Variants in SDC2 observed in about 807,000 individuals in gnomAD.
The protein encoded by SDC2 is syndecan 2, also known as syndecan-2.
Under a neutral mutation model 22.2 loss-of-function variants are expected in SDC2, and 13 were observed. That is an observed-to-expected ratio of 0.59 (90% CI 0.38 to 0.93). SDC2 has a LOEUF of 0.93. Among genes scored for constraint, SDC2 ranks in the 40% least tolerant of loss-of-function variants. SDC2 has a pLI of 0.00. For synonymous variants in SDC2, 94 were observed against 92.8 expected (o/e 1.01, Z -0.07); for missense variants, 235 against 246.8 (o/e 0.95, Z 0.32).
chr8:96,577,773 C>T (rs774334575), intron 1 of SDC2, among the ~76,000 whole-genome samples: 6 of 152,172 alleles, frequency 3.9e-5, no homozygotes, highest in African/African-American at 9.7e-5. Flanking sequence ...GGCAACTGCT[C>T]ATCTTTGTAT....
chr8:96,588,048 C>CT (rs1017616595), intron 1 of SDC2, among the ~76,000 whole-genome samples: 5 of 152,142 alleles, frequency 3.3e-5, no homozygotes, highest in African/African-American at 1.2e-4. Flanking sequence ...TAATAAACAC[C>CT]TAACAGCCAC....
intron 1 of SDC2, among the ~76,000 whole-genome samples, chr8:96,510,036 C>T (rs1419676594): frequency 6.6e-6 from 1 of 152,162 alleles, no homozygotes; most frequent in East Asian, 1.9e-4. Flanking sequence ...TAAAAAAATG[C>T]ACACATTGCC....
At chr8:96,538,169 T>A (rs1320366156) in intron 1 of SDC2, among the ~76,000 whole-genome samples, 2 of 151,966 alleles carry the variant, frequency 1.3e-5, no homozygotes, top group Non-Finnish European at 2.9e-5. Flanking sequence ...ACCATGTTGG[T>A]CAGGCTGGTC....
chr8:96,555,722 G>T lies in SDC2; in HGVS notation c.61-37758G>T, dbSNP rs1186475800. Among the ~76,000 whole-genome samples the T allele has an allele frequency of 3.3e-5, 5 of 152,138 alleles. No individual in the cohort carries two copies. The South Asian group carries it at 6.2e-4, about 19-fold the overall frequency. ...ATGGGGCCACTTCTCAGTTACTCCA[G>T]ATAAAACTTACTCTTCAAATATGAC... is the stretch of plus-strand genomic sequence containing the variant. On this transcript the variant is annotated intron_variant, in intron 1 of 4. Transcript: ENST00000302190.
rs1276553355 is a variant in SDC2, at chr8:96,600,064, T to A, written c.173-2331T>A. ...GTTCCAGCTACTCAGGAGGCTGAGG[T>A]GAGAGGATTGCTTGAGCCCGCAAGT... On this transcript the variant is annotated intron_variant, in intron 2 of 4. Transcript: ENST00000302190. 2.0e-5 allele frequency among the ~76,000 whole-genome samples: 3 copies of A among 151,622 alleles called. No homozygotes were observed. In the East Asian group the frequency reaches 5.8e-4, roughly 29 times the overall value.
intron 1 of SDC2, among the ~76,000 whole-genome samples, chr8:96,570,448 A>AT (rs1814374489): frequency 6.6e-6 from 1 of 152,162 alleles, no homozygotes. Flanking sequence ...AAAACAAAAA[A>AT]CCCAAAGACA....
intron 1 of SDC2, among the ~76,000 whole-genome samples, chr8:96,507,009 AG>A (rs1813251403): frequency 1.6e-5 from 2 of 125,220 alleles, no homozygotes; most frequent in Non-Finnish European, 3.3e-5. Flanking sequence ...ACTCTGTCTC[AG>A]GAAAAAAAAA....
chr8:96,516,561 C>G (rs1422922084), intron 1 of SDC2, among the ~76,000 whole-genome samples: 2 of 152,012 alleles, frequency 1.3e-5, no homozygotes, highest in Non-Finnish European at 2.9e-5. Flanking sequence ...AAAAAAAAAC[C>G]TGTACCCATT....
intron 1 of SDC2, among the ~76,000 whole-genome samples, chr8:96,532,260 C>CTT (rs1039963258): frequency 2.0e-5 from 3 of 152,000 alleles, no homozygotes; most frequent in Admixed American, 2.0e-4. Flanking sequence ...GAACAGGGAG[C>CTT]AGTAAGGGGG....
intron 1 of SDC2, among the ~76,000 whole-genome samples, chr8:96,505,342 C>G (rs893810043): frequency 6.6e-6 from 1 of 152,106 alleles, no homozygotes; most frequent in African/African-American, 2.4e-5. Flanking sequence ...CTCGCTCTGT[C>G]GCCCAGGCTG....
chr8:96,562,966 C>T (rs1202290343), intron 1 of SDC2, among the ~76,000 whole-genome samples: 1 of 152,064 alleles, frequency 6.6e-6, no homozygotes, highest in Non-Finnish European at 1.5e-5. Context: ...AACTTTTCGC[C>T]TTCAGACTAT....
chr8:96,567,636 A>G (rs894583040), intron 1 of SDC2, among the ~76,000 whole-genome samples: 1 of 152,234 alleles, frequency 6.6e-6, no homozygotes, highest in Admixed American at 6.5e-5. Flanking sequence ...CTTCATTAGA[A>G]TAGTGGCCCC....
At chr8:96,507,739 T>G (rs1813263940) in intron 1 of SDC2, among the ~76,000 whole-genome samples, 1 of 152,240 alleles carries the variant, frequency 6.6e-6, no homozygotes, top group South Asian at 2.1e-4. Flanking sequence ...TCCTTGGATT[T>G]TTATGCTAAA....
At chr8:96,601,291 A>G (rs1009060881) in intron 2 of SDC2, among the ~76,000 whole-genome samples, 1 of 152,114 alleles carries the variant, frequency 6.6e-6, no homozygotes, top group African/African-American at 2.4e-5. Context: ...AGAGTGGAGA[A>G]GATGATGAGG....
At chr8:96,551,809 G>C (rs1016822126) in intron 1 of SDC2, among the ~76,000 whole-genome samples, 7 of 152,114 alleles carry the variant, frequency 4.6e-5, no homozygotes, top group African/African-American at 1.7e-4. Flanking sequence ...CAATGAACTT[G>C]GGTACCAAGT....
At position 96,576,905 on chromosome 8, in the gene SDC2, C is replaced by G. The variant is rs930846010; in HGVS notation, c.61-16575C>G. Among the ~76,000 whole-genome samples, 73 of 152,194 alleles carry G rather than the reference C, an allele frequency of 4.8e-4. 1 individual carries two copies. The highest frequency in any genetic ancestry group is 7.3e-5 in the Non-Finnish European group (5 of 68,042). Reference sequence around the variant, plus strand: ...ATATTCAACCCATATTTACATTTCTCAGTTGTCCCAAGAATGTATTGAGAT... The same window carrying G: ...ATATTCAACCCATATTTACATTTCTGAGTTGTCCCAAGAATGTATTGAGAT... On this transcript the variant is annotated intron_variant, in intron 1 of 4. Transcript: ENST00000302190.
intron 1 of SDC2, among the ~76,000 whole-genome samples, chr8:96,558,580 C>T (rs1342452866): frequency 1.3e-5 from 2 of 152,158 alleles, no homozygotes; most frequent in African/African-American, 4.8e-5. Flanking sequence ...TGAAATGTCT[C>T]TATAAATTGA....
rs1815142555 is a variant in SDC2 at position 96,609,602 on chromosome 8, C to CT, written c.*58dup. 7.8e-7 allele frequency: 1 copy of CT among 1,280,748 alleles called. No homozygotes were observed. Among genetic ancestry groups the CT allele is most frequent in the Non-Finnish European group, 1.1e-6 (1 of 949,800 alleles). The allele number at this position is 1,280,748 out of a possible 1,614,324, so 79.3% of individuals were successfully genotyped here. On this transcript the variant is annotated 3_prime_UTR_variant, in exon 5 of 5. Coordinates refer to ENST00000302190, the MANE Select transcript of SDC2 (RefSeq NM_002998.4). ...GATCACTGAACTTTTCAAAATAAAG[C>CT]TTTTGCATAGAATAATGAAGATCTT...
At chr8:96,567,182 G>C (rs537646011) in intron 1 of SDC2, among the ~76,000 whole-genome samples, 1 of 152,296 alleles carries the variant, frequency 6.6e-6, no homozygotes, top group African/African-American at 2.4e-5. Flanking sequence ...AGTTTACAAG[G>C]TGATAGTTTA....
Sources: allele counts gnomAD v4.1 joint callset (sites outside exome capture counted in the v4.1 genomes callset), GRCh38; gene constraint gnomAD v4.1.1; transcripts MANE v1.5; gene names NCBI Gene and HGNC (gene_info 2026-07-23, HGNC 2026-07-21).